The following PAPPA2 variants were observed in gnomAD, a reference collection of about 807,000 sequenced individuals.
PAPPA2 encodes the protein pappalysin 2, also known as pappalysin-2.
A neutral mutation model predicts 176.4 loss-of-function variants in PAPPA2; 86 were observed. The ratio of observed to expected loss-of-function variants is 0.49; its 90% CI spans 0.41 to 0.58. The LOEUF is 0.58. Among genes scored for constraint, PAPPA2 ranks in the 20% least tolerant of loss-of-function variants. The pLI is 0.00. For missense variants in PAPPA2, 2,073 were observed against 2,256.9 expected (o/e 0.92, Z 1.65); for synonymous variants, 809 against 852.2 (o/e 0.95, Z 0.88).
intron 3 of PAPPA2, among the ~76,000 whole-genome samples, chr1:176,648,824 A>C (rs1169051576): frequency 6.6e-6 from 1 of 151,440 alleles, no homozygotes; most frequent in Non-Finnish European, 1.5e-5. Context: ...TTGTTGTTGA[A>C]TTTGGTTTGC....
At chr1:176,524,877 A>G (rs912588503) in intron 1 of PAPPA2, among the ~76,000 whole-genome samples, 1 of 152,124 alleles carries the variant, frequency 6.6e-6, no homozygotes, top group Non-Finnish European at 1.5e-5. Flanking sequence ...TACAAAAAAA[A>G]CAAAATAAAA....
At position 176,836,088 on chromosome 1, in the gene PAPPA2, G is replaced by A. The variant is rs1452471929; in HGVS notation, c.5203-4085G>A. Among the ~76,000 whole-genome samples the A allele has an allele frequency of 2.0e-5, 3 of 152,304 alleles. No homozygotes were observed. The South Asian group carries it at 6.2e-4, about 32-fold the overall frequency. On this transcript the variant is annotated intron_variant, in intron 21 of 22. Coordinates refer to ENST00000367662, the MANE Select transcript of PAPPA2 (RefSeq NM_020318.3). ...AAAAAGAAAATTAGTGCACAGATTT[G>A]TGTAGATTTACAGAGAACTTCTATT...
intron 17 of PAPPA2, among the ~76,000 whole-genome samples, chr1:176,789,394 G>A (rs947084329): frequency 7.9e-5 from 12 of 151,662 alleles, no homozygotes; most frequent in African/African-American, 2.9e-4. Flanking sequence ...ACACACTGGG[G>A]ACTGTTGTGG....
chr1:176,806,304 T>C (rs1459035261), intron 21 of PAPPA2, among the ~76,000 whole-genome samples: 3 of 152,204 alleles, frequency 2.0e-5, no homozygotes, highest in Admixed American at 6.5e-5. Context: ...GGAAGTGTGT[T>C]TTGTTCACTT....
At chr1:176,798,211 C>T (rs1039187314) in intron 20 of PAPPA2, among the ~76,000 whole-genome samples, 1 of 152,162 alleles carries the variant, frequency 6.6e-6, no homozygotes, top group Non-Finnish European at 1.5e-5. Context: ...TATACTTGTA[C>T]ATGATTTATA....
At chr1:176,510,769 A>C (rs1316176361) in intron 1 of PAPPA2, among the ~76,000 whole-genome samples, 4 of 151,252 alleles carry the variant, frequency 2.6e-5, no homozygotes, top group African/African-American at 9.7e-5. Flanking sequence ...AGGTAGACTG[A>C]GATAAGCTAA....
chr1:176,681,544 C>T (rs1207586513), intron 4 of PAPPA2, among the ~76,000 whole-genome samples: 2 of 152,066 alleles, frequency 1.3e-5, no homozygotes, highest in African/African-American at 4.8e-5. Context: ...TTTGTTTCCT[C>T]ATATGTAAAA....
rs55858181 is a variant in PAPPA2 at position 176,809,951 on chromosome 1, AGTGTGTGTGTGTGTGTGTGTGTGTGTGT to A, written c.5202+9842_5202+9869del. ...TCTCCTTATTTTTAGGACAAGATGC[AGTGTGTGTGTGTGTGTGTGTGTGTGTGT>A]GTGTGTGTGTGTGTGTGTGTGTTAC... On this transcript the variant is annotated intron_variant, in intron 21 of 22. Coordinates refer to ENST00000367662, the MANE Select transcript of PAPPA2 (RefSeq NM_020318.3). Among the ~76,000 whole-genome samples the A allele has an allele frequency of 4.5e-5, 6 of 133,794 alleles. No individual in the cohort carries two copies. The South Asian group carries it at 1.1e-3, about 25-fold the overall frequency. 87.8% of individuals were successfully genotyped at this position (133,794 alleles called of 152,430 possible).
intron 1 of PAPPA2, among the ~76,000 whole-genome samples, chr1:176,498,978 C>T (rs1032124619): frequency 2.0e-5 from 3 of 152,074 alleles, no homozygotes; most frequent in African/African-American, 7.2e-5. Context: ...TCTCTCCCTT[C>T]ATTCTTATTT....
intron 12 of PAPPA2, among the ~76,000 whole-genome samples, chr1:176,723,517 C>T (rs2102852738): frequency 6.6e-6 from 1 of 151,656 alleles, no homozygotes; most frequent in East Asian, 1.9e-4. Flanking sequence ...TATAGGATTT[C>T]TGACTCTTTA....
intron 4 of PAPPA2, among the ~76,000 whole-genome samples, chr1:176,679,156 C>G (rs1659456741): frequency 6.6e-6 from 1 of 152,132 alleles, no homozygotes; most frequent in Admixed American, 6.6e-5. Context: ...CTGACTGACT[C>G]TTTCAATCTT....
At chr1:176,755,278 T>A (rs1663361928) in intron 14 of PAPPA2, among the ~76,000 whole-genome samples, 1 of 152,160 alleles carries the variant, frequency 6.6e-6, no homozygotes, top group South Asian at 2.1e-4. Flanking sequence ...TTTTATGTTC[T>A]TACTTCTGCA....
At chr1:176,483,790 G>A (rs974392641) in intron 1 of PAPPA2, among the ~76,000 whole-genome samples, 6 of 152,002 alleles carry the variant, frequency 3.9e-5, no homozygotes, top group African/African-American at 1.4e-4. Context: ...TTAATGGGGC[G>A]TGGTTGCCTC....
At chr1:176,822,203 G>A (rs1400935890) in intron 21 of PAPPA2, among the ~76,000 whole-genome samples, 3 of 152,100 alleles carry the variant, frequency 2.0e-5, no homozygotes, top group Admixed American at 2.0e-4. Context: ...AGCACTTCTT[G>A]TTTAGAAACT....
chr1:176,643,110 T>C (rs936743792), intron 3 of PAPPA2, among the ~76,000 whole-genome samples: 3 of 151,916 alleles, frequency 2.0e-5, no homozygotes, highest in Non-Finnish European at 4.4e-5. Flanking sequence ...AGGCATATGC[T>C]AAGTGCTTTA....
chr1:176,475,985 G>A (rs191431220), intron 1 of PAPPA2, among the ~76,000 whole-genome samples: 22 of 152,266 alleles, frequency 1.4e-4, no homozygotes, highest in Admixed American at 3.3e-4. Flanking sequence ...AATATTAGTA[G>A]GGCACTGACT....
chr1:176,769,844 G>A (rs1664145096), intron 16 of PAPPA2, 60 bp downstream of exon 16: 4 of 1,491,264 alleles, frequency 2.7e-6, no homozygotes, highest in South Asian at 2.7e-5. Flanking sequence ...GCTCTTGAGG[G>A]TACTTTGGGA....
At chr1:176,571,889 T>TAAA (rs1284576893) in intron 2 of PAPPA2, among the ~76,000 whole-genome samples, 1 of 152,216 alleles carries the variant, frequency 6.6e-6, no homozygotes, top group Non-Finnish European at 1.5e-5. Flanking sequence ...CAATCCTTTT[T>TAAA]ACCTTCTCTG....
At chr1:176,583,068 T>C (rs1653084782) in intron 2 of PAPPA2, among the ~76,000 whole-genome samples, 1 of 152,172 alleles carries the variant, frequency 6.6e-6, no homozygotes, top group Admixed American at 6.5e-5. Context: ...ATATTTTGTA[T>C]TTCTGTGGCA....
Sources: allele counts gnomAD v4.1 joint callset (sites outside exome capture counted in the v4.1 genomes callset), GRCh38; gene constraint gnomAD v4.1.1; transcripts MANE v1.5; gene names NCBI Gene and HGNC (gene_info 2026-07-23, HGNC 2026-07-21).